Variants in ZFHX3 observed in about 807,000 individuals in gnomAD.
ZFHX3 encodes the protein zinc finger homeobox protein 3.
In ZFHX3, 42 loss-of-function variants were observed where a neutral mutation model predicts 279.1. That is an observed-to-expected ratio of 0.15 (90% CI 0.12 to 0.19). The LOEUF is 0.19. ZFHX3 is among the 10% of genes least tolerant of loss of function. The pLI, the probability that ZFHX3 is intolerant of heterozygous loss-of-function variation, is 1.00. For synonymous variants in ZFHX3, 2,293 were observed against 1,957.8 expected (o/e 1.17, Z -4.52); for missense variants, 4,981 against 4,754.0 (o/e 1.05, Z -1.40).
intron 3 of ZFHX3, among the ~76,000 whole-genome samples, chr16:73,433,598 T>C (rs1216845199): frequency 6.6e-6 from 1 of 152,164 alleles, no homozygotes; most frequent in African/African-American, 2.4e-5. Flanking sequence ...ATTAAACTTT[T>C]GCTTGCCAAG....
intron 2 of ZFHX3, among the ~76,000 whole-genome samples, chr16:73,472,403 G>C (rs952725448): frequency 2.0e-5 from 3 of 152,094 alleles, no homozygotes; most frequent in African/African-American, 7.2e-5. Flanking sequence ...CTGGCAGGCT[G>C]TTGCCCATGC....
chr16:73,575,738 C>T (rs910101741), intron 2 of ZFHX3, among the ~76,000 whole-genome samples: 1 of 152,156 alleles, frequency 6.6e-6, no homozygotes, highest in South Asian at 2.1e-4. Context: ...GAGGGCTTGA[C>T]TCTGGGTCTT....
At chr16:72,990,764 C>T (rs866184557) in intron 1 of ZFHX3, among the ~76,000 whole-genome samples, 3 of 152,110 alleles carry the variant, frequency 2.0e-5, no homozygotes, top group Admixed American at 1.3e-4. Context: ...GTGGATCACT[C>T]GAGGCCAGGA....
intron 5 of ZFHX3, among the ~76,000 whole-genome samples, chr16:73,163,544 C>A (rs1379211293): frequency 6.6e-6 from 1 of 152,198 alleles, no homozygotes; most frequent in Non-Finnish European, 1.5e-5. Context: ...GTATGGCCTG[C>A]AAAAACGAAA....
At chr16:73,235,489 A>G (rs1004946976) in intron 5 of ZFHX3, among the ~76,000 whole-genome samples, 8 of 152,158 alleles carry the variant, frequency 5.3e-5, no homozygotes, top group Non-Finnish European at 7.3e-5. Context: ...GGAAATCTCC[A>G]GGGACCTGTG....
At chr16:73,539,433 CTTTTTTTTTT>C (rs1162434013) in intron 2 of ZFHX3, among the ~76,000 whole-genome samples, 2,050 of 65,060 alleles carry the variant, frequency 0.032, 30 homozygotes, top group African/African-American at 0.11. Flanking sequence ...TCCTCTTCTT[CTTTTTTTTTT>C]TTTTTTTTTT....
chr16:73,472,217 C>T (rs1428993849), intron 2 of ZFHX3, among the ~76,000 whole-genome samples: 1 of 147,360 alleles, frequency 6.8e-6, no homozygotes, highest in Admixed American at 6.9e-5. Flanking sequence ...CCGCCTGGAA[C>T]ATGAGCCCAT....
At chr16:73,538,450 C>T (rs1307896234) in intron 2 of ZFHX3, among the ~76,000 whole-genome samples, 1 of 152,064 alleles carries the variant, frequency 6.6e-6, no homozygotes, top group Non-Finnish European at 1.5e-5. Context: ...TCATTAATTG[C>T]ATTTTAGAAA....
rs143321510 is a variant in ZFHX3, at chr16:73,774,054, T to C, written c.-1607-93814A>G. On this transcript the variant is annotated intron_variant, in intron 1 of 17. Coordinates refer to the ZFHX3 transcript ENST00000641206. ...TCGGGAGCTTAGGCAGGAGGACTGT[T>C]TGAGCCCAGGGTTTGCAGTAAACTA... 1.1e-4 allele frequency among the ~76,000 whole-genome samples: 17 copies of C among 152,230 alleles called. 1 individual carries two copies. The East Asian group carries it at 2.9e-3, about 26-fold the overall frequency.
At chr16:73,040,673 T>C (rs185403687) in intron 1 of ZFHX3, among the ~76,000 whole-genome samples, 5 of 152,320 alleles carry the variant, frequency 3.3e-5, no homozygotes, top group African/African-American at 7.2e-5. Context: ...AAGAAGAGAA[T>C]TGCTGGACCT....
chr16:73,007,355 A>T (rs1440448093), intron 1 of ZFHX3, among the ~76,000 whole-genome samples: 1 of 152,228 alleles, frequency 6.6e-6, no homozygotes, highest in Non-Finnish European at 1.5e-5. Flanking sequence ...TCCCTGAAAC[A>T]GTGTATTTAG....
chr16:72,965,493 A>T (rs139770932), intron 1 of ZFHX3, among the ~76,000 whole-genome samples: 2 of 152,338 alleles, frequency 1.3e-5, no homozygotes, highest in African/African-American at 2.4e-5. Context: ...AAGAAGGACA[A>T]AAGGCAGGTT....
At chr16:73,588,588 G>C (rs1597014113) in intron 2 of ZFHX3, among the ~76,000 whole-genome samples, 1 of 151,906 alleles carries the variant, frequency 6.6e-6, no homozygotes, top group East Asian at 1.9e-4. Context: ...TACTCTGGAG[G>C]CTGAGGCAGG....
intron 1 of ZFHX3, among the ~76,000 whole-genome samples, chr16:73,708,627 C>T (rs1278121239): frequency 2.6e-5 from 4 of 152,120 alleles, no homozygotes; most frequent in Non-Finnish European, 5.9e-5. Context: ...TTTTCCTCTA[C>T]CCTCTGAGAA....
intron 3 of ZFHX3, among the ~76,000 whole-genome samples, chr16:73,391,151 T>C (rs915443904): frequency 3.3e-5 from 5 of 152,200 alleles, no homozygotes; most frequent in African/African-American, 1.2e-4. Context: ...CAGGCCCAGC[T>C]TGTGCAGTGA....
chr16:73,470,992 G>T (rs2018655922), intron 2 of ZFHX3, among the ~76,000 whole-genome samples: 2 of 152,214 alleles, frequency 1.3e-5, no homozygotes, highest in South Asian at 4.1e-4. Flanking sequence ...ATTCTACAGT[G>T]TGGTTTGAGA....
At chr16:73,617,325 G>T (rs921695248) in intron 2 of ZFHX3, among the ~76,000 whole-genome samples, 5 of 152,274 alleles carry the variant, frequency 3.3e-5, no homozygotes, top group African/African-American at 9.6e-5. Flanking sequence ...CAAATCAAAG[G>T]CACTGAATAT....
intron 2 of ZFHX3, among the ~76,000 whole-genome samples, chr16:73,610,554 C>T (rs13332773): frequency 6.6e-5 from 10 of 152,118 alleles, no homozygotes; most frequent in African/African-American, 2.4e-4. Flanking sequence ...GAAAAACAAA[C>T]AGTCTGTTAA....
intron 1 of ZFHX3, among the ~76,000 whole-genome samples, chr16:73,687,492 C>T (rs1313639438): frequency 1.3e-5 from 2 of 152,056 alleles, no homozygotes; most frequent in Non-Finnish European, 2.9e-5. Context: ...CCCCACAGTG[C>T]ATCTTCTGTT....
Sources: allele counts gnomAD v4.1 joint callset (sites outside exome capture counted in the v4.1 genomes callset), GRCh38; gene constraint gnomAD v4.1.1; transcripts MANE v1.5; gene names NCBI Gene and HGNC (gene_info 2026-07-23, HGNC 2026-07-21).